MMP26: variants seen among roughly 807,000 people sequenced by gnomAD.
MMP26 encodes matrix metallopeptidase 26.
Under a neutral mutation model 31.0 loss-of-function variants are expected in MMP26, and 33 were observed. That is an observed-to-expected ratio of 1.06 (90% CI 0.81 to 1.42). The LOEUF (loss-of-function observed/expected upper bound fraction) is 1.42, where lower values mean the gene tolerates loss of function less well. MMP26 is among the 40% of genes most tolerant of loss of function. The pLI, the probability that MMP26 is intolerant of heterozygous loss-of-function variation, is 0.00. For synonymous variants in MMP26, 122 were observed against 114.9 expected (o/e 1.06, Z -0.40); for missense variants, 347 against 316.1 (o/e 1.10, Z -0.74).
chr11:4,714,593 C>G (rs1847901797), intron 1 of MMP26, among the ~76,000 whole-genome samples: 1 of 152,160 alleles, frequency 6.6e-6, no homozygotes, highest in African/African-American at 2.4e-5. Flanking sequence ...CATTGGTGAA[C>G]TACCAGTTTC....
chr11:4,845,875 A>G (rs531148667), intron 2 of MMP26, among the ~76,000 whole-genome samples: 1 of 152,328 alleles, frequency 6.6e-6, no homozygotes, highest in East Asian at 1.9e-4. Context: ...GAGAAACTCA[A>G]ATCAAAGCTA....
In MMP26 at chr11:4,744,629, T is replaced by C. The variant is rs1018064795; in HGVS notation, c.-216-22641T>C. Among the ~76,000 whole-genome samples the C allele has an allele frequency of 3.9e-5, 6 of 152,172 alleles. 1 individual carries two copies. Among genetic ancestry groups the C allele is most frequent in the African/African-American group, 1.4e-4 (6 of 41,448 alleles). On this transcript the variant is annotated intron_variant, in intron 1 of 7. Coordinates refer to ENST00000380390, the MANE Select transcript of MMP26 (RefSeq NM_021801.5). Reference sequence around the variant, plus strand: ...CATTTACCTCGCCCCACAAAAAAACTTATTCTTAAGGGATCTTTCTGATAA... The same window carrying C: ...CATTTACCTCGCCCCACAAAAAAACCTATTCTTAAGGGATCTTTCTGATAA...
intron 1 of MMP26, among the ~76,000 whole-genome samples, chr11:4,764,940 T>C (rs12284043): frequency 0.3 from 45,971 of 151,800 alleles, 8,052 homozygotes; most frequent in African/African-American, 0.46. Flanking sequence ...ATGCTGAAAC[T>C]CCATTTCCTG....
chr11:4,893,335 C>A (rs71480735), intron 2 of MMP26, among the ~76,000 whole-genome samples: 1 of 152,132 alleles, frequency 6.6e-6, no homozygotes, highest in Non-Finnish European at 1.5e-5. Context: ...ATACTTCTTA[C>A]CATAACTAAT....
chr11:4,882,061 G>C (rs1311378656), intron 2 of MMP26: 1 of 1,613,694 alleles, frequency 6.2e-7, no homozygotes, highest in African/African-American at 1.3e-5. Flanking sequence ...TCATTACTAA[G>C]CGGAGACTCC....
rs531851189 is a variant in MMP26, at chr11:4,970,863, C to T, written c.-144-17205C>T. Among the ~76,000 whole-genome samples, 21 of 152,210 alleles carry T rather than the reference C, an allele frequency of 1.4e-4. No individual in the cohort carries two copies. In the South Asian group the frequency reaches 2.5e-3, roughly 18 times the overall value. On this transcript the variant is annotated intron_variant, in intron 2 of 7. Coordinates refer to ENST00000380390, the MANE Select transcript of MMP26 (RefSeq NM_021801.5). ...CCTAGATGGGCTGATTCTCAGGCCC[C>T]GCAGGGGCTTATGGTGCTGGTGCCA...
At chr11:4,766,469 C>T (rs953743511) in intron 1 of MMP26, among the ~76,000 whole-genome samples, 1 of 149,228 alleles carries the variant, frequency 6.7e-6, no homozygotes, top group Non-Finnish European at 1.5e-5. Flanking sequence ...ACATCACAGA[C>T]CTGCTTGGGT....
At chr11:4,914,607 C>T in intron 2 of MMP26, 3 of 736,904 alleles carry the variant, frequency 4.1e-6, no homozygotes, top group Non-Finnish European at 6.7e-6. Context: ...CATCCCTGTA[C>T]ATGTTTGTTG....
chr11:4,715,477 G>C (rs890395394), intron 1 of MMP26, among the ~76,000 whole-genome samples: 5 of 152,050 alleles, frequency 3.3e-5, no homozygotes, highest in African/African-American at 1.2e-4. Flanking sequence ...TCAAATAGTG[G>C]ATCTAAAATT....
chr11:4,837,705 AATAAAAACCATTAT>A (rs773870105), intron 2 of MMP26, among the ~76,000 whole-genome samples: 1 of 152,154 alleles, frequency 6.6e-6, no homozygotes, highest in Non-Finnish European at 1.5e-5. Flanking sequence ...TAATTAAAGT[AATAAAAACCATTAT>A]ATACTTGAAG....
At chr11:4,844,472 C>T (rs1849839635) in intron 2 of MMP26, among the ~76,000 whole-genome samples, 2 of 152,230 alleles carry the variant, frequency 1.3e-5, no homozygotes, top group South Asian at 2.1e-4. Flanking sequence ...AAGAAAACTA[C>T]AGGCCAGTAT....
In MMP26 at chr11:4,953,830, T is replaced by A. The variant is rs535508386; in HGVS notation, c.-144-34238T>A. Among the ~76,000 whole-genome samples, 18 of 125,030 alleles carry A rather than the reference T, an allele frequency of 1.4e-4. 3 individuals carry two copies. The highest frequency in any genetic ancestry group is 3.1e-4 in the Non-Finnish European group (17 of 55,164). 82.0% of individuals were successfully genotyped at this position (125,030 alleles called of 152,430 possible). ...ACTTTGGGAGGCCAAGGCAGGCGGA[T>A]CACTTGAGGTCAGGAGTTTGAGACC... On this transcript the variant is annotated intron_variant, in intron 2 of 7. Coordinates refer to ENST00000380390, the MANE Select transcript of MMP26 (RefSeq NM_021801.5).
In MMP26 at chr11:4,882,001, C is replaced by T. The variant is rs61735140; in HGVS notation, c.-144-106067C>T. On this transcript the variant is annotated intron_variant, in intron 2 of 7. Coordinates refer to ENST00000380390, the MANE Select transcript of MMP26 (RefSeq NM_021801.5). ...ATGTCTGGATCTCCATTCCAGTCTGCTGTCTCTACACCATTGCCCTCTTGG... is the reference window on the plus strand; with the variant it reads ...ATGTCTGGATCTCCATTCCAGTCTGTTGTCTCTACACCATTGCCCTCTTGG... 731 of 1,613,930 alleles carry T rather than the reference C, an allele frequency of 4.5e-4. 1 individual carries two copies. In the African/African-American group the frequency reaches 8.6e-3, roughly 19 times the overall value.
intron 2 of MMP26, among the ~76,000 whole-genome samples, chr11:4,966,412 G>T (rs757602771): frequency 6.6e-6 from 1 of 152,118 alleles, no homozygotes; most frequent in Non-Finnish European, 1.5e-5. Context: ...ATCATCGGGG[G>T]AATGGTAGAG....
At chr11:4,765,386 T>A (rs1044320971) in intron 1 of MMP26, among the ~76,000 whole-genome samples, 3 of 152,198 alleles carry the variant, frequency 2.0e-5, no homozygotes, top group African/African-American at 7.2e-5. Context: ...TCTCTTTAAC[T>A]CAAGGTCAAG....
At position 4,781,404 on chromosome 11, in the gene MMP26, G is replaced by A. The variant is rs917742486; in HGVS notation, c.-145+14063G>A. ...CTACTAAAAATACAAAAAATTAGCC[G>A]GGCGCGGTGGCGGGCGCCTGTAGTC... is the stretch of plus-strand genomic sequence containing the variant. On this transcript the variant is annotated intron_variant, in intron 2 of 7. Coordinates refer to ENST00000380390, the MANE Select transcript of MMP26 (RefSeq NM_021801.5). Among the ~76,000 whole-genome samples the A allele has an allele frequency of 2.8e-4, 23 of 81,670 alleles. 5 individuals carry two copies. Among genetic ancestry groups the A allele is most frequent in the South Asian group, 2.6e-3 (9 of 3,510 alleles). The allele number at this position is 81,670 out of a possible 152,430, so 53.6% of individuals were successfully genotyped here.
intron 1 of MMP26, among the ~76,000 whole-genome samples, chr11:4,733,195 A>C (rs1417094093): frequency 2.0e-5 from 3 of 152,232 alleles, no homozygotes; most frequent in African/African-American, 7.2e-5. Context: ...CAAAGAAGCA[A>C]GATTGAATTT....
chr11:4,789,411 T>C (rs947169056), intron 2 of MMP26, among the ~76,000 whole-genome samples: 11 of 151,500 alleles, frequency 7.3e-5, no homozygotes, highest in Non-Finnish European at 1.6e-4. Context: ...AAGATGCTGG[T>C]AGCAGGTTCC....
chr11:4,723,431 G>A (rs1311875219), intron 1 of MMP26: 31 of 1,022,758 alleles, frequency 3.0e-5, no homozygotes, highest in Non-Finnish European at 4.8e-5. Flanking sequence ...TCCAGGGAGC[G>A]GCTGCTGTCC....
Sources: gnomAD v4.1 joint callset for allele counts (sites outside exome capture counted in the v4.1 genomes callset) on GRCh38, gnomAD v4.1.1 for gene constraint, MANE v1.5 for transcripts, NCBI Gene and HGNC (gene_info 2026-07-23, HGNC 2026-07-21) for gene names.